SLC24A1: variants seen among roughly 807,000 people sequenced by gnomAD.
The protein encoded by SLC24A1 is sodium/potassium/calcium exchanger 1.
A neutral mutation model predicts 88.1 loss-of-function variants in SLC24A1; 52 were observed. The observed-to-expected ratio is 0.59, with a 90% confidence interval of 0.47 to 0.74. SLC24A1 has a LOEUF of 0.74. Ranked by LOEUF, SLC24A1 falls within the 30% of genes least tolerant of loss-of-function variation. The probability of loss-of-function intolerance (pLI) is 0.00; values close to 1 mark genes in which losing one functional copy is unlikely to be tolerated. For synonymous variants in SLC24A1, 455 were observed against 498.0 expected (o/e 0.91, Z 1.15); for missense variants, 1,173 against 1,363.3 (o/e 0.86, Z 2.20).
Position 65,625,519 on chromosome 15 carries a change from C to G in SLC24A1, c.1439C>G (p.Ala480Gly), listed in dbSNP as rs1210830729. The part of the protein sequence containing the change: ...AIVCDEYFVP[A>G]LGVITDKLQI... ...GTTTGCGACGAGTACTTCGTTCCAG[C>G]CCTGGGTGTCATCACAGACAAGCTG... Residue 480 changes from alanine (A) to glycine (G), a missense_variant, in exon 2 of 10, where the codon GCC becomes GGC. Transcript: ENST00000261892. The G allele has an allele frequency of 1.9e-6, 3 of 1,614,034 alleles. No homozygotes were observed. The highest frequency in any genetic ancestry group is 3.3e-5 in the Admixed American group (2 of 60,030).
intron 2 of SLC24A1, among the ~76,000 whole-genome samples, chr15:65,615,879 C>T (rs1457978197): frequency 9.7e-6 from 1 of 103,120 alleles, no homozygotes; most frequent in Non-Finnish European, 1.8e-5. Flanking sequence ...CCCTCCCCCA[C>T]CCCCCCACCC....
chr15:65,646,198 A>C (rs2075294600), intron 6 of SLC24A1, among the ~76,000 whole-genome samples: 2 of 152,046 alleles, frequency 1.3e-5, no homozygotes, highest in South Asian at 4.2e-4. Context: ...ACCATGCTCC[A>C]GCCAAACTGG....
downstream of SLC24A1, chr15:65,659,045 AAGT>A (rs1204282235): frequency 6.6e-6 from 1 of 152,178 alleles, no homozygotes; most frequent in East Asian, 1.9e-4. Context: ...TAGGAGGAAA[AAGT>A]AGAATATTTG....
At chr15:65,659,949 A>C (rs1392938440), downstream of SLC24A1, 1 of 203,144 alleles carries the variant, frequency 4.9e-6, no homozygotes, top group Non-Finnish European at 9.9e-6. Flanking sequence ...AGTAAACAAC[A>C]ATGAAAGCTG....
chr15:65,658,824 TA>T (rs147415841), downstream of SLC24A1, among the ~76,000 whole-genome samples: 5,872 of 152,148 alleles, frequency 0.039, 395 homozygotes, highest in African/African-American at 0.13. Context: ...AAAGTAAAAA[TA>T]AGTATTTACT....
intron 3 of SLC24A1, 60 bp downstream of exon 3, chr15:65,638,241 A>T: frequency 8.4e-7 from 1 of 1,185,814 alleles, no homozygotes; most frequent in Admixed American, 1.9e-5. Flanking sequence ...GGATGATCAC[A>T]GGCCCAGGGT....
chr15:65,654,858 A>G lies in SLC24A1; in HGVS notation c.*779A>G, dbSNP rs752169309. The G allele has an allele frequency of 1.6e-5, 18 of 1,138,916 alleles. No individual in the cohort carries two copies. The highest frequency in any genetic ancestry group is 1.9e-5 in the Non-Finnish European group (17 of 892,608). 70.6% of individuals were successfully genotyped at this position (1,138,916 alleles called of 1,614,324 possible). On this transcript the variant is annotated 3_prime_UTR_variant, in exon 10 of 10. Transcript: ENST00000261892. Reference sequence around the variant, plus strand: ...CGTGATCTGCCCGCCTCGGCCTCCCAAAGTGCTGGGATTACAGGCGTCAGC... The same window carrying G: ...CGTGATCTGCCCGCCTCGGCCTCCCGAAGTGCTGGGATTACAGGCGTCAGC...
At chr15:65,644,554 C>A (rs756370604) in intron 5 of SLC24A1, 41 bp downstream of exon 5, 4 of 1,382,290 alleles carry the variant, frequency 2.9e-6, no homozygotes, top group Middle Eastern at 2.0e-4. Context: ...TCCTGCCCCC[C>A]TCTCCCTGCT....
downstream of SLC24A1, among the ~76,000 whole-genome samples, chr15:65,657,332 G>A (rs1227845471): frequency 6.6e-6 from 1 of 152,126 alleles, no homozygotes. Context: ...ATTATCTAGA[G>A]CACAGAATAG....
intron 4 of SLC24A1, among the ~76,000 whole-genome samples, chr15:65,641,636 G>A (rs2075133271): frequency 6.6e-6 from 1 of 152,244 alleles, no homozygotes; most frequent in Non-Finnish European, 1.5e-5. Flanking sequence ...TACCTCTGGG[G>A]TTTGCAGAAT....
chr15:65,654,407 C>G lies in SLC24A1; in HGVS notation c.*328C>G, dbSNP rs2075607965. 8.5e-7 allele frequency: 1 copy of G among 1,170,380 alleles called. No homozygotes were observed. Among genetic ancestry groups the G allele is most frequent in the East Asian group, 5.9e-5 (1 of 17,094 alleles). 72.5% of individuals were successfully genotyped at this position (1,170,380 alleles called of 1,614,324 possible). On this transcript the variant is annotated 3_prime_UTR_variant, in exon 10 of 10. Transcript: ENST00000261892. Reference sequence around the variant, plus strand: ...GGGGCAAAGGTTGGGATAGGCGCAGCAGCTATAAGACAAGCTCCTACGCTC... The same window carrying G: ...GGGGCAAAGGTTGGGATAGGCGCAGGAGCTATAAGACAAGCTCCTACGCTC...
chr15:65,644,610 G>T, intron 5 of SLC24A1, 97 bp downstream of exon 5: 1 of 803,870 alleles, frequency 1.2e-6, no homozygotes, highest in Non-Finnish European at 2.1e-6. Context: ...CCAGGCCAGG[G>T]GCTGAGGCAC....
At chr15:65,640,539 G>A (rs760452675) in intron 4 of SLC24A1, among the ~76,000 whole-genome samples, 1 of 152,228 alleles carries the variant, frequency 6.6e-6, no homozygotes, top group South Asian at 2.1e-4. Context: ...CAGCCAGGAG[G>A]CCCATCAAGG....
rs1257512707 is a variant in SLC24A1, at chr15:65,650,949, G to A, written c.2793+7G>A. 1.2e-6 allele frequency: 2 copies of A among 1,612,394 alleles called. No individual in the cohort carries two copies. The highest frequency in any genetic ancestry group is 1.3e-5 in the African/African-American group (1 of 75,002). ...CCCCGACGTCCGAAGGCAGGTGAGT[G>A]TGCCCATCTGTATCTCAGACTCTTT... On this transcript the variant is annotated splice_region_variant and intron_variant, in intron 7 of 9. Transcript: ENST00000261892. The surrounding 1 kb of genome is among the most constrained non-coding windows in gnomAD (Gnocchi z 4.1).
At chr15:65,651,648 TC>T in intron 7 of SLC24A1, 21 bp from the exon 8 acceptor site, 1 of 1,329,592 alleles carries the variant, frequency 7.5e-7, no homozygotes, top group Non-Finnish European at 1.1e-6. Context: ...TTACTTCTTG[TC>T]CTTTTCAAAC....
rs762689432 is a variant in SLC24A1, at chr15:65,624,506, A to G, written c.426A>G (p.Glu142=). Residue 142 remains glutamate, a synonymous_variant, in exon 2 of 10, where the codon GAA becomes GAG. Transcript: ENST00000261892. ...PTAAGTERRK[E]DTPTSSRTLT... is the part of the protein sequence containing the mutation. ...CAGCAGGTACAGAAAGAAGGAAGGAAGACACCCCAACATCCAGTAGAACAC... is the reference window on the plus strand; with the variant it reads ...CAGCAGGTACAGAAAGAAGGAAGGAGGACACCCCAACATCCAGTAGAACAC... The G allele has an allele frequency of 3.1e-6, 5 of 1,605,630 alleles. No individual in the cohort carries two copies. The highest frequency in any genetic ancestry group is 1.3e-5 in the African/African-American group (1 of 74,726).
Position 65,624,182 on chromosome 15 carries a change from C to A in SLC24A1, c.102C>A (p.Ile34=), listed in dbSNP as rs184400840. 6.8e-6 allele frequency: 11 copies of A among 1,613,866 alleles called. No homozygotes were observed. The East Asian group carries it at 1.6e-4, about 23-fold the overall frequency. The change falls in exon 2 of 10, where the codon ATC becomes ATA. Residue 34 remains isoleucine (I), a synonymous_variant. Transcript: ENST00000261892. ...TCTTCTTACTGGGAATGTTGATCAT[C>A]GGTTCTACTTATCAGCACCTTAGGA... ...RLLFLLGMLI[I]GSTYQHLRRP... is the part of the protein sequence containing the mutation.
chr15:65,624,711 A>T lies in SLC24A1; in HGVS notation c.631A>T (p.Ser211Cys), dbSNP rs1353662313. The T allele has an allele frequency of 6.2e-7, 1 of 1,610,736 alleles. No individual in the cohort carries two copies. Among genetic ancestry groups the T allele is most frequent in the Non-Finnish European group, 8.5e-7 (1 of 1,178,238 alleles). Reference protein sequence around the residue: ...VPSTFMTMETSHAITPRTTVK... With the variant: ...VPSTFMTMETCHAITPRTTVK... ...GTCCACATTCATGACAATGGAAACA[A>T]GCCATGCGATCACCCCCAGGACAAC... is the stretch of plus-strand genomic sequence containing the variant. The change falls in exon 2 of 10, where the codon AGC becomes TGC. Residue 211 changes from serine (S) to cysteine (C), a missense_variant. Physicochemically the swap from Ser to Cys is moderately radical, Grantham distance 112. Transcript: ENST00000261892.
chr15:65,613,456 T>C (rs1210915265), intron 2 of SLC24A1, among the ~76,000 whole-genome samples: 1 of 149,338 alleles, frequency 6.7e-6, no homozygotes, highest in African/African-American at 2.5e-5. Context: ...TGAGAATCTT[T>C]GCTGTTAAGT....
Sources: allele counts gnomAD v4.1 joint callset (sites outside exome capture counted in the v4.1 genomes callset), GRCh38; gene constraint gnomAD v4.1.1; non-coding constraint Gnocchi (gnomAD v3.1); transcripts MANE v1.5; gene names NCBI Gene and HGNC (gene_info 2026-07-23, HGNC 2026-07-21).